The following SMG1 variants were observed in gnomAD, a reference collection of about 807,000 sequenced individuals.
SMG1 encodes SMG1 nonsense mediated mRNA decay associated PI3K related kinase.
In SMG1, 22 loss-of-function variants were observed where a neutral mutation model predicts 419.9. The ratio of observed to expected loss-of-function variants is 0.05; its 90% confidence interval spans 0.04 to 0.07. The LOEUF (loss-of-function observed/expected upper bound fraction) is 0.07, where lower values mean the gene tolerates loss of function less well. Among genes scored for constraint, SMG1 ranks in the 10% least tolerant of loss-of-function variants. SMG1 has a pLI of 1.00. For missense variants in SMG1, 3,185 were observed against 4,342.0 expected, an observed-to-expected ratio of 0.73 and a Z score of 7.49; for synonymous variants, 1,538 against 1,553.5, an observed-to-expected ratio of 0.99 and a Z score of 0.23.
In SMG1 at chr16:18,896,046, C is replaced by T. The variant is rs770315430; in HGVS notation, c.412+6G>A. 7 of 1,611,326 alleles carry T rather than the reference C, an allele frequency of 4.3e-6. No individual in the cohort carries two copies. The highest frequency in any genetic ancestry group is 5.9e-6 in the Non-Finnish European group (7 of 1,179,420). On this transcript the variant is annotated splice_donor_region_variant and intron_variant, in intron 3 of 62. Coordinates refer to ENST00000446231, the MANE Select transcript of SMG1 (RefSeq NM_015092.5). ...ATGTGATTGGTCCCCGTTTTCCCAG[C>T]CTTACCCTGTGATTTCCTCATGTCT...
chr16:18,853,607 G>T lies in SMG1; in HGVS notation c.4744C>A (p.Pro1582Thr). 6.2e-7 allele frequency: 1 copy of T among 1,605,382 alleles called. No individual in the cohort carries two copies. Among genetic ancestry groups the T allele is most frequent in the Non-Finnish European group, 8.5e-7 (1 of 1,175,118 alleles). ...PSVNTMEEEY[P>T]RIESESTVHI... ...CCTGTAGATTCACTCTCGATCCGAG[G>T]ATACTCTTCTTCCATCGTATTAACA... is the stretch of plus-strand genomic sequence containing the variant. The change falls in exon 31 of 63, where the codon CCT becomes ACT. Residue 1582 changes from proline to threonine, a missense_variant. Around this residue, in one of 27 missense-constraint regions of SMG1, gnomAD observed 493 missense variants for 552.9 expected, o/e 0.89. Transcript: ENST00000446231.
chr16:18,866,427 G>C (rs34996105), intron 23 of SMG1, 194 bp downstream of exon 23: 59,300 of 609,804 alleles, frequency 0.097, 3,191 homozygotes, highest in Middle Eastern at 0.15. Context: ...TAATTCTTCA[G>C]TAAGAAAGGC....
chr16:18,812,271 G>T lies in SMG1; in HGVS notation c.10622-144C>A, dbSNP rs1187781209. 9 of 735,808 alleles carry T rather than the reference G, an allele frequency of 1.2e-5. No homozygotes were observed. In the East Asian group the frequency reaches 2.3e-4, roughly 19 times the overall value. 45.6% of individuals were successfully genotyped at this position (735,808 alleles called of 1,614,324 possible). A position where few individuals can be genotyped will look rare whatever the true frequency, so the allele number is the denominator to read the frequency against. ...ATCCTTATCCTTGGACACAGCAATTGTCTTCCTAAAAATGTAGCCTAAAAA... is the reference window on the plus strand; with the variant it reads ...ATCCTTATCCTTGGACACAGCAATTTTCTTCCTAAAAATGTAGCCTAAAAA... On this transcript the variant is annotated intron_variant, in intron 60 of 62. Coordinates refer to ENST00000446231, the MANE Select transcript of SMG1 (RefSeq NM_015092.5).
chr16:18,898,080 A>G (rs1429235010), intron 1 of SMG1, among the ~76,000 whole-genome samples: 3 of 152,170 alleles, frequency 2.0e-5, no homozygotes, highest in Non-Finnish European at 2.9e-5. Flanking sequence ...TATACTGTAT[A>G]TATTTCGTTT....
In SMG1 at chr16:18,845,432, T is replaced by C. The variant is rs756134636; in HGVS notation, c.6216A>G (p.Lys2072=). ...AKPGSSWIPF[K]EIMLSLQQRA... ...CATGCTTGGGATTATTCTGTACCTC[T>C]TTAAATGGAATCCAGCTGCTCCCAG... The change falls in exon 39 of 63, where the codon AAA becomes AAG. Residue 2072 remains lysine, a synonymous_variant. Transcript: ENST00000446231. 2.2e-5 allele frequency: 36 copies of C among 1,613,520 alleles called. No individual in the cohort carries two copies. Among genetic ancestry groups the C allele is most frequent in the Non-Finnish European group, 3.1e-5 (36 of 1,179,696 alleles).
intron 41 of SMG1, 104 bp from the exon 42 acceptor site, chr16:18,840,050 T>C: frequency 1.1e-6 from 1 of 878,928 alleles, no homozygotes; most frequent in South Asian, 1.9e-5. Context: ...GATTTTTCAG[T>C]AGCATTCTCT....
intron 30 of SMG1, 99 bp from the exon 31 acceptor site, chr16:18,853,966 C>A: frequency 9.0e-7 from 1 of 1,111,222 alleles, no homozygotes; most frequent in Non-Finnish European, 1.3e-6. Flanking sequence ...GTGATGACAC[C>A]ACCATGTTGA....
At chr16:18,828,253 G>T in intron 54 of SMG1, 85 bp from the exon 55 acceptor site, 1 of 1,357,690 alleles carries the variant, frequency 7.4e-7, no homozygotes, top group Non-Finnish European at 1.0e-6. Context: ...ACCTAGGACT[G>T]GCGGAAGAGA....
At chr16:18,881,688 G>T (rs2925512) in intron 10 of SMG1, among the ~76,000 whole-genome samples, 27,957 of 151,966 alleles carry the variant, frequency 0.18, 2,664 homozygotes, top group Middle Eastern at 0.25. Context: ...AGTGTGGCAA[G>T]CTAGCTACCT....
chr16:18,897,788 A>G (rs1596621797), intron 1 of SMG1, among the ~76,000 whole-genome samples: 1 of 152,158 alleles, frequency 6.6e-6, no homozygotes. Flanking sequence ...TCTTTCAGCC[A>G]TCAATCATAA....
chr16:18,892,627 G>C, intron 3 of SMG1, among the ~76,000 whole-genome samples: 1 of 152,056 alleles, frequency 6.6e-6, no homozygotes, highest in East Asian at 1.9e-4. Flanking sequence ...CAGCTACTCG[G>C]GAGGCTGAGG....
At chr16:18,860,604 C>G (rs1445568707) in intron 26 of SMG1, 63 bp downstream of exon 26, 2 of 716,690 alleles carry the variant, frequency 2.8e-6, no homozygotes, top group African/African-American at 1.8e-5. Context: ...GTAAAATATA[C>G]TAAGCCAAAC....
At chr16:18,843,273 TAA>T (rs1300993475) in intron 39 of SMG1, among the ~76,000 whole-genome samples, 1 of 152,208 alleles carries the variant, frequency 6.6e-6, no homozygotes, top group African/African-American at 2.4e-5. Flanking sequence ...GGTGGATCTC[TAA>T]GAGACTTAAC....
At chr16:18,872,075 C>G (rs2035853172) in intron 15 of SMG1, 109 bp downstream of exon 15, 1 of 614,116 alleles carries the variant, frequency 1.6e-6, no homozygotes, top group Admixed American at 3.7e-5. Context: ...TACCTCACCT[C>G]TATAATCCAC....
At position 18,813,327 on chromosome 16, in the gene SMG1, A is replaced by G. The variant is rs1162937188; in HGVS notation, c.10622-1200T>C. On this transcript the variant is annotated intron_variant, in intron 60 of 62. Coordinates refer to ENST00000446231, the MANE Select transcript of SMG1 (RefSeq NM_015092.5). Reference sequence around the variant, plus strand: ...CCTATTTCTCCACATCCTCTCCAGCACCTGTTGTTTCCTGACTTTTTAATG... The same window carrying G: ...CCTATTTCTCCACATCCTCTCCAGCGCCTGTTGTTTCCTGACTTTTTAATG... Among the ~76,000 whole-genome samples, 7 of 152,198 alleles carry G rather than the reference A, an allele frequency of 4.6e-5. No individual in the cohort carries two copies. In the South Asian group the frequency reaches 8.3e-4, roughly 18 times the overall value.
chr16:18,825,446 C>T (rs1485128044), intron 55 of SMG1, among the ~76,000 whole-genome samples: 2 of 2,346 alleles, frequency 8.5e-4, no homozygotes, highest in African/African-American at 1.6e-3. Context: ...TCTTTTAGGG[C>T]AGGCCTGGTG....
chr16:18,837,713 C>A (rs1292834876), intron 45 of SMG1, among the ~76,000 whole-genome samples: 1 of 152,182 alleles, frequency 6.6e-6, no homozygotes, highest in Non-Finnish European at 1.5e-5. Context: ...GGAAGGGAAG[C>A]TATCCAATTA....
intron 25 of SMG1, 134 bp from the exon 26 acceptor site, chr16:18,860,910 G>A (rs1416601041): frequency 3.4e-5 from 17 of 499,314 alleles, no homozygotes; most frequent in Non-Finnish European, 4.6e-5. Flanking sequence ...TTCCTTCCAC[G>A]AGGATGCCAT....
At chr16:18,884,537 A>G (rs973282937) in intron 8 of SMG1, among the ~76,000 whole-genome samples, 1 of 152,206 alleles carries the variant, frequency 6.6e-6, no homozygotes, top group Non-Finnish European at 1.5e-5. Context: ...TCATCTCCTC[A>G]GTGAAAATGA....
Sources: allele counts gnomAD v4.1 joint callset (sites outside exome capture counted in the v4.1 genomes callset), GRCh38; gene constraint gnomAD v4.1.1; regional missense constraint gnomAD v4.1.1; transcripts MANE v1.5; gene names NCBI Gene and HGNC (gene_info 2026-07-23, HGNC 2026-07-21).